Variants in SLC35D4 observed in about 807,000 individuals in gnomAD.
The protein encoded by SLC35D4 is solute carrier family 35 member D4, also known as UDP-N-acetylglucosamine transporter SLC35D4.
the SLC35D4 span, among the ~76,000 whole-genome samples, chr18:23,281,360 T>C: frequency 0.032 from 4,947 of 152,254 alleles, 273 homozygotes; most frequent in African/African-American, 0.11. Context: ...TCTTGTTCTG[T>C]CACCCAGGAT....
the SLC35D4 span, among the ~76,000 whole-genome samples, chr18:23,294,004 C>A: frequency 2.0e-5 from 3 of 151,786 alleles, no homozygotes; most frequent in Non-Finnish European, 2.9e-5. Context: ...ACTGTGTTGC[C>A]CAGACTGGTC....
the SLC35D4 span, among the ~76,000 whole-genome samples, chr18:23,413,697 G>T: frequency 1.3e-5 from 2 of 152,016 alleles, no homozygotes; most frequent in Non-Finnish European, 2.9e-5. Flanking sequence ...GGCTGAGGTG[G>T]GTAGATCACC....
At chr18:23,331,876 A>G in the SLC35D4 span, among the ~76,000 whole-genome samples, 1 of 142,872 alleles carries the variant, frequency 7.0e-6, no homozygotes, top group Non-Finnish European at 1.5e-5. Context: ...GATTTTCTTG[A>G]ACATGTCTTT....
the SLC35D4 span, among the ~76,000 whole-genome samples, chr18:23,300,079 G>A: frequency 2.0e-5 from 3 of 152,284 alleles, no homozygotes; most frequent in African/African-American, 7.2e-5. Flanking sequence ...TTGGGAACGA[G>A]GCCGCTTTGT....
the SLC35D4 span, among the ~76,000 whole-genome samples, chr18:23,241,160 TCTTC>T: frequency 4.6e-5 from 7 of 152,218 alleles, no homozygotes; most frequent in Admixed American, 2.0e-4. Flanking sequence ...TTGGGGTCCA[TCTTC>T]CTTCATACAA....
the SLC35D4 span, among the ~76,000 whole-genome samples, chr18:23,276,173 C>T: frequency 6.6e-5 from 10 of 151,970 alleles, no homozygotes; most frequent in South Asian, 4.2e-4. Flanking sequence ...CTGCAAGCTC[C>T]GCCTCCCGGG....
At chr18:23,377,271 G>T in the SLC35D4 span, among the ~76,000 whole-genome samples, 6 of 152,190 alleles carry the variant, frequency 3.9e-5, no homozygotes, top group Admixed American at 3.9e-4. Context: ...TTCCAGGCTG[G>T]TGCTTTTTCC....
the SLC35D4 span, among the ~76,000 whole-genome samples, chr18:23,342,071 G>C: frequency 6.6e-6 from 1 of 152,062 alleles, no homozygotes; most frequent in African/African-American, 2.4e-5. Context: ...ACAGCTTTCA[G>C]GGATGATTTG....
the SLC35D4 span, among the ~76,000 whole-genome samples, chr18:23,321,271 C>G: frequency 3.3e-5 from 5 of 152,012 alleles, no homozygotes; most frequent in African/African-American, 9.7e-5. Context: ...TTTATTTTTC[C>G]CCTAGTTGTT....
chr18:23,275,044 G>C, the SLC35D4 span, among the ~76,000 whole-genome samples: 1 of 32,738 alleles, frequency 3.1e-5, no homozygotes, highest in Non-Finnish European at 5.3e-5. Flanking sequence ...TATTTTGTGT[G>C]TGAGTGTGTT....
chr18:23,253,752 T>C, the SLC35D4 span: 1 of 1,614,158 alleles, frequency 6.2e-7, no homozygotes. Flanking sequence ...ATGCGGAAGC[T>C]TGCGCAGGAG....
chr18:23,421,212 C>T, the SLC35D4 span, among the ~76,000 whole-genome samples: 47 of 152,188 alleles, frequency 3.1e-4, no homozygotes, highest in South Asian at 5.8e-3. Flanking sequence ...CCACTGCACC[C>T]TAGCCTGGGA....
the SLC35D4 span, chr18:23,298,128 C>T: frequency 6.3e-7 from 1 of 1,593,144 alleles, no homozygotes; most frequent in African/African-American, 1.3e-5. Flanking sequence ...CTGCCTGGCG[C>T]CCACATACGC....
chr18:23,410,598 A>G, the SLC35D4 span, among the ~76,000 whole-genome samples: 3 of 152,138 alleles, frequency 2.0e-5, no homozygotes, highest in Admixed American at 1.3e-4. Flanking sequence ...TGAGGTCAGG[A>G]GTTCAAGACG....
chr18:23,397,010 G>A, the SLC35D4 span, among the ~76,000 whole-genome samples: 3 of 152,140 alleles, frequency 2.0e-5, no homozygotes, highest in South Asian at 2.1e-4. Context: ...CTCCCCAACT[G>A]CCTGAAAACA....
chr18:23,284,191 A>G, the SLC35D4 span, among the ~76,000 whole-genome samples: 2 of 152,140 alleles, frequency 1.3e-5, no homozygotes, highest in African/African-American at 4.8e-5. Context: ...TGTCTAATCA[A>G]TAAAGTCCTT....
At chr18:23,434,300 C>G in the SLC35D4 span, among the ~76,000 whole-genome samples, 7 of 152,136 alleles carry the variant, frequency 4.6e-5, no homozygotes, top group Non-Finnish European at 1.0e-4. Context: ...TTGACCTACT[C>G]TTTCCACTAG....
chr18:23,417,341 C>G, the SLC35D4 span, among the ~76,000 whole-genome samples: 2 of 152,076 alleles, frequency 1.3e-5, no homozygotes, highest in Non-Finnish European at 2.9e-5. Flanking sequence ...TCAGCCTCCA[C>G]AAGGAATGAA....
chr18:23,382,705 G>C, the SLC35D4 span, among the ~76,000 whole-genome samples: 1,156 of 152,340 alleles, frequency 7.6e-3, 5 homozygotes, highest in Non-Finnish European at 0.012. Context: ...TAAGTAAAAT[G>C]TCAGAGAAAG....
Sources: allele counts gnomAD v4.1 joint callset (sites outside exome capture counted in the v4.1 genomes callset), GRCh38; gene constraint gnomAD v4.1.1; transcripts MANE v1.5; gene names NCBI Gene and HGNC (gene_info 2026-07-23, HGNC 2026-07-21).